SLIT3: variants seen among roughly 807,000 people sequenced by gnomAD.
SLIT3 encodes slit guidance ligand 3, also known as slit homolog 3 protein.
A neutral mutation model predicts 184.0 loss-of-function variants in SLIT3; 68 were observed. That is an observed-to-expected ratio of 0.37 (90% CI 0.30 to 0.45). SLIT3 has a LOEUF of 0.45. SLIT3 is among the 20% of genes least tolerant of loss of function. The pLI is 1.00. For synonymous variants in SLIT3, 831 were observed against 828.6 expected, an observed-to-expected ratio of 1.00 and a Z score of -0.05; for missense variants, 1,707 against 2,026.0, an observed-to-expected ratio of 0.84 and a Z score of 3.02.
intron 4 of SLIT3, among the ~76,000 whole-genome samples, chr5:169,082,832 C>T: frequency 6.6e-6 from 1 of 152,172 alleles, no homozygotes; most frequent in African/African-American, 2.4e-5. Context: ...CTGTATGCAA[C>T]TTCATACCCC....
intron 4 of SLIT3, chr5:168,994,026 G>A (rs572116361): frequency 2.0e-5 from 3 of 152,426 alleles, no homozygotes; most frequent in African/African-American, 7.2e-5. Flanking sequence ...TCGGGAGCCA[G>A]GGTTCCAGCT....
At chr5:169,091,616 G>A (rs1006559251) in intron 4 of SLIT3, among the ~76,000 whole-genome samples, 1 of 152,196 alleles carries the variant, frequency 6.6e-6, no homozygotes, top group African/African-American at 2.4e-5. Flanking sequence ...TCACTGTGCA[G>A]TCGTCAAGAG....
chr5:168,829,001 G>A (rs1757796352), intron 6 of SLIT3, among the ~76,000 whole-genome samples: 2 of 152,184 alleles, frequency 1.3e-5, no homozygotes, highest in Non-Finnish European at 2.9e-5. Flanking sequence ...AACGGAGGTG[G>A]CTGTAACCAC....
At chr5:169,215,567 A>G (rs912855525) in intron 3 of SLIT3, among the ~76,000 whole-genome samples, 2 of 152,200 alleles carry the variant, frequency 1.3e-5, no homozygotes. Context: ...CATAAACAAT[A>G]CATCAATAAA....
intron 16 of SLIT3, 21 bp downstream of exon 16, chr5:168,760,841 A>C (rs1755121872): frequency 6.3e-7 from 1 of 1,594,724 alleles, no homozygotes; most frequent in Non-Finnish European, 8.6e-7. Context: ...GGCTGCTGCC[A>C]AGTTCCTGAA....
chr5:168,805,283 T>C (rs931789406), intron 9 of SLIT3, among the ~76,000 whole-genome samples: 5 of 150,636 alleles, frequency 3.3e-5, no homozygotes, highest in African/African-American at 4.9e-5. Context: ...TTGGAATGCA[T>C]TGGGAACAGA....
intron 6 of SLIT3, among the ~76,000 whole-genome samples, chr5:168,824,984 A>G (rs1363842312): frequency 6.6e-6 from 1 of 152,214 alleles, no homozygotes; most frequent in East Asian, 1.9e-4. Flanking sequence ...CCATAGCCTC[A>G]TGTCCTGCTC....
chr5:169,176,835 G>A (rs1290393668), intron 4 of SLIT3, among the ~76,000 whole-genome samples: 1 of 152,146 alleles, frequency 6.6e-6, no homozygotes, highest in Non-Finnish European at 1.5e-5. Flanking sequence ...TTTGGAGCTG[G>A]TGAAGAACAT....
intron 4 of SLIT3, among the ~76,000 whole-genome samples, chr5:169,017,452 G>A (rs552257099): frequency 6.6e-6 from 1 of 152,298 alleles, no homozygotes; most frequent in South Asian, 2.1e-4. Flanking sequence ...TACAAGACTT[G>A]GAAATGCTAG....
intron 4 of SLIT3, among the ~76,000 whole-genome samples, chr5:169,021,672 A>C (rs965669088): frequency 5.3e-5 from 8 of 152,168 alleles, no homozygotes; most frequent in Non-Finnish European, 1.2e-4. Context: ...TTAAAATAGT[A>C]ACCTATGTGT....
intron 4 of SLIT3, among the ~76,000 whole-genome samples, chr5:169,159,297 A>G (rs2113387562): frequency 6.6e-6 from 1 of 152,360 alleles, no homozygotes; most frequent in East Asian, 1.9e-4. Context: ...ATGGTGGCAC[A>G]TGCCTGTAAT....
At chr5:169,032,322 T>C (rs1373371190) in intron 4 of SLIT3, among the ~76,000 whole-genome samples, 1 of 152,238 alleles carries the variant, frequency 6.6e-6, no homozygotes, top group Non-Finnish European at 1.5e-5. Context: ...ACCAAGACTT[T>C]TGTGTCCTTA....
intron 1 of SLIT3, among the ~76,000 whole-genome samples, chr5:169,282,904 A>G (rs1008196700): frequency 1.3e-5 from 2 of 152,194 alleles, no homozygotes; most frequent in Non-Finnish European, 2.9e-5. Context: ...CAAAATCCCA[A>G]CATCCAAAAA....
Position 168,748,385 on chromosome 5 carries a change from G to T in SLIT3, c.2187C>A (p.Cys729Ter). The change falls in exon 20 of 36, where the codon TGC becomes TGA. Residue 729 changes from cysteine (C) to a stop codon, truncating the protein, a stop_gained. Transcript: ENST00000519560. LOFTEE classifies it high-confidence loss of function. The part of the protein sequence containing the change: ...CQLSPRCPEQ[C>*]TCMETVVRCS... ...ATCGCACCACTGTCTCCATACAGGT[G>T]CACTGCTCCGGGCAGCGCGGGCTCA... 6.6e-7 allele frequency: 1 copy of T among 1,519,212 alleles called. No individual in the cohort carries two copies. The allele number at this position is 1,519,212 out of a possible 1,614,324, so 94.1% of individuals were successfully genotyped here. A position where few individuals can be genotyped will look rare whatever the true frequency, so the allele number is the denominator to read the frequency against.
At chr5:168,975,689 C>A (rs568393543) in intron 4 of SLIT3, among the ~76,000 whole-genome samples, 1 of 152,328 alleles carries the variant, frequency 6.6e-6, no homozygotes, top group South Asian at 2.1e-4. Flanking sequence ...CTGTAGGATT[C>A]TGTTTCTTAC....
chr5:168,685,771 G>T lies in SLIT3; in HGVS notation c.3471C>A (p.Leu1157=), dbSNP rs142117627. The change falls in exon 31 of 36, where the codon CTC becomes CTA. Residue 1157 remains leucine (L), a synonymous_variant. Coordinates refer to ENST00000519560, the MANE Select transcript of SLIT3 (RefSeq NM_003062.4). ...PGFAGPRCEK[L]ITVNFVGKDS... is the part of the protein sequence containing the mutation. ...CTTTGCCCACGAAGTTGACAGTGAT[G>T]AGCTTCTCGCATCTGGGGCCGGCGA... 1.2e-6 allele frequency: 2 copies of T among 1,612,040 alleles called. No individual in the cohort carries two copies.
At chr5:168,989,463 T>G (rs1755242716) in intron 4 of SLIT3, among the ~76,000 whole-genome samples, 1 of 152,206 alleles carries the variant, frequency 6.6e-6, no homozygotes, top group Non-Finnish European at 1.5e-5. Flanking sequence ...TTGCCACACT[T>G]GTCTCGCTCT....
At chr5:168,901,280 C>T (rs1447105928) in intron 4 of SLIT3, among the ~76,000 whole-genome samples, 1 of 152,228 alleles carries the variant, frequency 6.6e-6, no homozygotes, top group East Asian at 1.9e-4. Context: ...GGGAGAATGA[C>T]GTGAACCTGG....
rs397999882 is a variant in SLIT3, at chr5:169,002,322, C to CAAAAAA, written c.414-118992_414-118987dup. ...TGAGCAACAGAACGAGACTCTGTCT[C>CAAAAAA]AAAAAAAAAAAAAAAAAAAAAAAAA... On this transcript the variant is annotated intron_variant, in intron 4 of 35. Transcript: ENST00000519560. Among the ~76,000 whole-genome samples the CAAAAAA allele has an allele frequency of 7.5e-3, 182 of 24,208 alleles. 12 individuals carry two copies. The highest frequency in any genetic ancestry group is 0.056 in the Middle Eastern group (1 of 18). The allele number at this position is 24,208 out of a possible 152,430, so 15.9% of individuals were successfully genotyped here. A position where few individuals can be genotyped will look rare whatever the true frequency, so the allele number is the denominator to read the frequency against.
Sources: gnomAD v4.1 joint callset for allele counts (sites outside exome capture counted in the v4.1 genomes callset) on GRCh38, gnomAD v4.1.1 for gene constraint, MANE v1.5 for transcripts, NCBI Gene and HGNC (gene_info 2026-07-23, HGNC 2026-07-21) for gene names.